Variants in TOX2 observed in about 807,000 individuals in gnomAD.
The protein encoded by TOX2 is granulosa cell HMG box 1.
Under a neutral mutation model 47.4 loss-of-function variants are expected in TOX2, and 15 were observed. The ratio of observed to expected loss-of-function variants is 0.32; its 90% confidence interval spans 0.21 to 0.49. The LOEUF is 0.49. TOX2 is among the 20% of genes least tolerant of loss of function. TOX2 has a pLI of 0.99. For synonymous variants in TOX2, 290 were observed against 296.6 expected (o/e 0.98, Z 0.23); for missense variants, 622 against 673.1 (o/e 0.92, Z 0.84).
In TOX2 at chr20:43,915,095, C is replaced by G. The variant is rs1047959971; in HGVS notation, c.99+105C>G. The G allele has an allele frequency of 1.7e-6, 1 of 577,482 alleles. No individual in the cohort carries two copies. The highest frequency in any genetic ancestry group is 2.3e-6 in the Non-Finnish European group (1 of 439,542). The allele number at this position is 577,482 out of a possible 1,614,324, so 35.8% of individuals were successfully genotyped here. On this transcript the variant is annotated intron_variant, in intron 1 of 8. Transcript: ENST00000341197. This position sits in a 1 kb window ranked among gnomAD's most constrained non-coding sequence, Gnocchi z 7.1. Reference sequence around the variant, plus strand: ...CACACGGGGCCGCGCACATCAGCCCCGCCGACGGGCACGGGCGGCTCACAT... The same window carrying G: ...CACACGGGGCCGCGCACATCAGCCCGGCCGACGGGCACGGGCGGCTCACAT...
At chr20:43,989,371 A>G (rs2070328345) in intron 2 of TOX2, among the ~76,000 whole-genome samples, 1 of 152,240 alleles carries the variant, frequency 6.6e-6, no homozygotes, top group Admixed American at 6.5e-5. Context: ...CAGAATCAAC[A>G]TGGAAGCTCA....
intron 1 of TOX2, among the ~76,000 whole-genome samples, chr20:43,952,489 C>A (rs2069596659): frequency 6.6e-6 from 1 of 152,190 alleles, no homozygotes; most frequent in Admixed American, 6.5e-5. Flanking sequence ...ACAGATCACT[C>A]AGGGCTGTAG....
At chr20:43,992,171 A>G (rs191155409) in intron 2 of TOX2, among the ~76,000 whole-genome samples, 1 of 152,326 alleles carries the variant, frequency 6.6e-6, no homozygotes, top group Admixed American at 6.5e-5. Flanking sequence ...AAGGCCCCGC[A>G]GTGGGAGTGT....
In TOX2 at chr20:43,914,979, C is replaced by T. The variant is rs1448985608; in HGVS notation, c.88C>T (p.His30Tyr). The change falls in exon 1 of 9, where the codon CAC (histidine) becomes TAC (tyrosine). Residue 30 changes from histidine to tyrosine, a missense_variant. Transcript: ENST00000341197. The surrounding 1 kb of genome is among the most constrained non-coding windows in gnomAD (Gnocchi z 4.5). ...PAGLAHLDYYHGGKFDGDSAY... is the reference protein window; with the variant it reads ...PAGLAHLDYYYGGKFDGDSAY... ...CGGCCTGGCGCACCTGGACTATTAC[C>T]ACGGCGGCAAGGTAGGCGGGGGCGG... 12 of 1,251,356 alleles carry T rather than the reference C, an allele frequency of 9.6e-6. No individual in the cohort carries two copies. The highest frequency in any genetic ancestry group is 1.2e-5 in the Non-Finnish European group (12 of 997,848). The allele number at this position is 1,251,356 out of a possible 1,614,324, so 77.5% of individuals were successfully genotyped here.
intron 1 of TOX2, among the ~76,000 whole-genome samples, chr20:43,924,139 A>T (rs2069140257): frequency 6.6e-6 from 1 of 152,168 alleles, no homozygotes; most frequent in Non-Finnish European, 1.5e-5. Context: ...GGGGATGAGC[A>T]TATGGAAGAG....
chr20:43,941,965 T>C (rs1262900866), intron 1 of TOX2, among the ~76,000 whole-genome samples: 2 of 152,184 alleles, frequency 1.3e-5, no homozygotes, highest in African/African-American at 4.8e-5. Context: ...GGACAAAGCT[T>C]ATAATGATTC....
At chr20:43,945,921 G>C in intron 1 of TOX2, 2 of 1,613,156 alleles carry the variant, frequency 1.2e-6, no homozygotes, top group Non-Finnish European at 1.7e-6. Context: ...TTATGCAGCA[G>C]ACTCGCACAG....
chr20:44,053,437 T>TACACACACAC (rs1447650799), intron 4 of TOX2, among the ~76,000 whole-genome samples: 6 of 67,180 alleles, frequency 8.9e-5, no homozygotes, highest in African/African-American at 3.0e-4. Context: ...AGGGCAGATA[T>TACACACACAC]ATACACACAC....
intron 1 of TOX2, among the ~76,000 whole-genome samples, chr20:43,955,687 TGCTG>T (rs1377395433): frequency 1.3e-4 from 20 of 152,354 alleles, no homozygotes; most frequent in South Asian, 1.0e-3. Flanking sequence ...CTGCATAACA[TGCTG>T]GGGCTGTCAT....
intron 8 of TOX2, among the ~76,000 whole-genome samples, chr20:44,067,968 C>T (rs2071862016): frequency 6.6e-6 from 1 of 152,202 alleles, no homozygotes; most frequent in Non-Finnish European, 1.5e-5. Context: ...GCCTCGGCCT[C>T]CCAGCACACG....
At chr20:44,041,415 G>T (rs1376105734) in intron 3 of TOX2, among the ~76,000 whole-genome samples, 1 of 152,166 alleles carries the variant, frequency 6.6e-6, no homozygotes, top group Admixed American at 6.5e-5. Context: ...CAAATGAGAG[G>T]CATATCTTTC....
At chr20:43,999,055 C>T (rs138172745) in intron 2 of TOX2, among the ~76,000 whole-genome samples, 177 of 152,240 alleles carry the variant, frequency 1.2e-3, no homozygotes, top group African/African-American at 1.8e-3. Flanking sequence ...CCACCATGCT[C>T]GGCTGGTGTC....
At chr20:44,027,476 A>C (rs965471924) in intron 3 of TOX2, among the ~76,000 whole-genome samples, 1 of 152,172 alleles carries the variant, frequency 6.6e-6, no homozygotes, top group African/African-American at 2.4e-5. Context: ...TCTCCGCCAT[A>C]GCCTGTGCAG....
Position 44,051,354 on chromosome 20 carries a change from C to A in TOX2, c.460C>A (p.Pro154Thr). 6.2e-7 allele frequency: 1 copy of A among 1,613,624 alleles called. No homozygotes were observed. The highest frequency in any genetic ancestry group is 1.7e-4 in the Middle Eastern group (1 of 6,056). The change falls in exon 4 of 9, where the codon CCC becomes ACC. Residue 154 changes from proline (P) to threonine (T), a missense_variant. By Grantham distance (38) the Pro-to-Thr change is conservative. Around this residue, in one of 3 missense-constraint regions of TOX2, gnomAD observed 307 missense variants for 327.3 expected, o/e 0.94. Transcript: ENST00000341197. ...AGTGGCTGCCTATGACTCGGGCCGG[C>A]CCGGGCCCCTGCTGGGTCGCCCGGC... Reference protein sequence around the residue: ...SEVAAYDSGRPGPLLGRPAML... With the variant: ...SEVAAYDSGRTGPLLGRPAML...
At chr20:44,045,115 G>A (rs1164188884) in intron 3 of TOX2, among the ~76,000 whole-genome samples, 1 of 152,168 alleles carries the variant, frequency 6.6e-6, no homozygotes, top group African/African-American at 2.4e-5. Context: ...GGGAAGAGAG[G>A]AATGGGGAGT....
chr20:43,977,596 A>G (rs2070104857), intron 2 of TOX2, among the ~76,000 whole-genome samples: 1 of 151,340 alleles, frequency 6.6e-6, no homozygotes, highest in Non-Finnish European at 1.5e-5. Flanking sequence ...TTTTGCAAAT[A>G]CATTCTCCAT....
intron 3 of TOX2, among the ~76,000 whole-genome samples, chr20:44,030,024 C>T (rs746252302): frequency 8.5e-5 from 13 of 152,178 alleles, no homozygotes; most frequent in Non-Finnish European, 1.8e-4. Context: ...CGATGCTCCA[C>T]GCTCATGGCT....
At chr20:43,966,740 C>T (rs1231169644) in intron 1 of TOX2, among the ~76,000 whole-genome samples, 2 of 138,294 alleles carry the variant, frequency 1.4e-5, no homozygotes, top group Admixed American at 7.4e-5. Context: ...GGCGACAGAG[C>T]AAAACTCTGT....
At position 44,030,276 on chromosome 20, in the gene TOX2, A is replaced by C. The variant is rs543733696; in HGVS notation, c.412-21030A>C. ...CTGCCAGAACCAGTCCCCAATCCTA[A>C]GTCTCTCCCTCCATCTCTTGCTTTC... On this transcript the variant is annotated intron_variant, in intron 3 of 8. Coordinates refer to ENST00000341197, the MANE Select transcript of TOX2 (RefSeq NM_001098797.2). 3.9e-5 allele frequency among the ~76,000 whole-genome samples: 6 copies of C among 152,164 alleles called. No individual in the cohort carries two copies. The East Asian group carries it at 1.2e-3, about 29-fold the overall frequency.
Sources: allele counts gnomAD v4.1 joint callset (sites outside exome capture counted in the v4.1 genomes callset), GRCh38; gene constraint gnomAD v4.1.1; regional missense constraint gnomAD v4.1.1; non-coding constraint Gnocchi (gnomAD v3.1); transcripts MANE v1.5; gene names NCBI Gene and HGNC (gene_info 2026-07-23, HGNC 2026-07-21).